The following TASP1 variants were observed in gnomAD, a reference collection of about 807,000 sequenced individuals.
The protein encoded by TASP1 is threonine aspartase 1.
TASP1 carries 16 observed loss-of-function variants against 56.6 expected under a neutral mutation model. That is an observed-to-expected ratio of 0.28 (90% CI 0.19 to 0.43). TASP1 has a LOEUF of 0.43. TASP1 is among the 20% of genes least tolerant of loss of function. The pLI, the probability that TASP1 is intolerant of heterozygous loss-of-function variation, is 1.00. For missense variants in TASP1, 393 were observed against 511.6 expected (o/e 0.77, Z 2.24); for synonymous variants, 179 against 184.2 (o/e 0.97, Z 0.23).
the TASP1 span, among the ~76,000 whole-genome samples, chr20:13,316,775 G>T: frequency 2.6e-5 from 4 of 151,182 alleles, no homozygotes; most frequent in Admixed American, 6.6e-5. Context: ...ACTAGGAATA[G>T]ATGGGAACTT....
chr20:13,516,690 C>T (rs1300504590), intron 10 of TASP1, among the ~76,000 whole-genome samples: 6 of 135,638 alleles, frequency 4.4e-5, no homozygotes, highest in Non-Finnish European at 7.9e-5. Flanking sequence ...AACATTTCTT[C>T]ACCTTGTGTT....
chr20:13,608,345 G>C (rs934319706), intron 4 of TASP1, among the ~76,000 whole-genome samples: 2 of 152,140 alleles, frequency 1.3e-5, no homozygotes, highest in Non-Finnish European at 2.9e-5. Context: ...TCAAGAATTG[G>C]ATGGTTAAAA....
chr20:13,539,477 G>A (rs2045540621), intron 8 of TASP1, among the ~76,000 whole-genome samples: 1 of 152,136 alleles, frequency 6.6e-6, no homozygotes, highest in African/African-American at 2.4e-5. Context: ...CTGTGCCCAG[G>A]AGTGCAAGGC....
the TASP1 span, among the ~76,000 whole-genome samples, chr20:13,127,847 C>T: frequency 2.6e-5 from 4 of 152,112 alleles, no homozygotes; most frequent in African/African-American, 4.8e-5. Context: ...CTTGCCTTTT[C>T]GGTGTTATGA....
the TASP1 span, among the ~76,000 whole-genome samples, chr20:13,115,839 G>A: frequency 6.6e-6 from 1 of 152,136 alleles, no homozygotes; most frequent in South Asian, 2.1e-4. Context: ...CCTGTGAAGA[G>A]GGGCCCATCA....
the TASP1 span, among the ~76,000 whole-genome samples, chr20:13,257,320 G>T: frequency 6.6e-6 from 1 of 152,152 alleles, no homozygotes; most frequent in Admixed American, 6.5e-5. Context: ...TTTGAGACCA[G>T]CCTGGCCAAC....
chr20:13,614,258 T>C (rs1208307695), intron 4 of TASP1, among the ~76,000 whole-genome samples: 6 of 152,186 alleles, frequency 3.9e-5, no homozygotes, highest in Admixed American at 2.0e-4. Flanking sequence ...GTATGTTGAA[T>C]ACCAGGTTTT....
At chr20:13,457,453 A>G (rs1353673488) in intron 11 of TASP1, among the ~76,000 whole-genome samples, 2 of 152,122 alleles carry the variant, frequency 1.3e-5, no homozygotes, top group African/African-American at 4.8e-5. Context: ...GAATTTTTGT[A>G]AGAAAGAAAT....
At chr20:13,591,959 C>A (rs1410532819) in intron 4 of TASP1, among the ~76,000 whole-genome samples, 1 of 151,462 alleles carries the variant, frequency 6.6e-6, no homozygotes, top group Admixed American at 6.6e-5. Flanking sequence ...AGAAGTATAG[C>A]TAATAGGACA....
chr20:13,317,463 T>C, the TASP1 span, among the ~76,000 whole-genome samples: 1 of 151,344 alleles, frequency 6.6e-6, no homozygotes, highest in Non-Finnish European at 1.5e-5. Flanking sequence ...TAGGGAGAGA[T>C]AAAAGACCCA....
the TASP1 span, among the ~76,000 whole-genome samples, chr20:13,159,126 G>C: frequency 5.9e-5 from 9 of 152,198 alleles, no homozygotes; most frequent in Non-Finnish European, 1.2e-4. Context: ...TACAGCCTTT[G>C]AGCTTGATAT....
chr20:13,515,374 C>T (rs2044483044), intron 10 of TASP1, among the ~76,000 whole-genome samples: 1 of 151,826 alleles, frequency 6.6e-6, no homozygotes, highest in South Asian at 2.1e-4. Flanking sequence ...ATGGGTGTTG[C>T]ACAGCACCAC....
At chr20:13,214,647 T>G in the TASP1 span, among the ~76,000 whole-genome samples, 7 of 151,124 alleles carry the variant, frequency 4.6e-5, no homozygotes, top group Non-Finnish European at 1.0e-4. Flanking sequence ...TAAAGCTTAT[T>G]GAAACCTAAC....
At chr20:13,411,191 T>C (rs2042083731) in intron 13 of TASP1, among the ~76,000 whole-genome samples, 1 of 152,156 alleles carries the variant, frequency 6.6e-6, no homozygotes, top group Admixed American at 6.6e-5. Flanking sequence ...TATATGCCTG[T>C]TTTTATCATA....
At chr20:13,246,412 A>G in the TASP1 span, among the ~76,000 whole-genome samples, 2 of 152,058 alleles carry the variant, frequency 1.3e-5, no homozygotes, top group Non-Finnish European at 2.9e-5. Flanking sequence ...AAGCATCCCT[A>G]CTGCCCACTC....
At chr20:13,580,772 G>A (rs2047092058) in intron 6 of TASP1, 125 bp downstream of exon 6, 1 of 877,066 alleles carries the variant, frequency 1.1e-6, no homozygotes, top group Non-Finnish European at 1.8e-6. Flanking sequence ...AATGTTCCAA[G>A]ATCACGGAAC....
the TASP1 span, among the ~76,000 whole-genome samples, chr20:13,348,025 C>T: frequency 6.6e-6 from 1 of 151,922 alleles, no homozygotes; most frequent in Non-Finnish European, 1.5e-5. Flanking sequence ...AGACATTTGG[C>T]AATATCTAGA....
intron 6 of TASP1, among the ~76,000 whole-genome samples, chr20:13,574,678 T>A (rs1410340603): frequency 6.6e-6 from 1 of 152,030 alleles, no homozygotes; most frequent in Non-Finnish European, 1.5e-5. Flanking sequence ...AAAATAACAA[T>A]ACATAAAGAA....
chr20:13,576,297 G>GGAGA (rs766413714), intron 6 of TASP1, among the ~76,000 whole-genome samples: 121 of 141,338 alleles, frequency 8.6e-4, no homozygotes, highest in Non-Finnish European at 1.5e-3. Flanking sequence ...AGGAAGGGAA[G>GGAGA]GAGAGAGAGA....
Sources: allele counts gnomAD v4.1 joint callset (sites outside exome capture counted in the v4.1 genomes callset), GRCh38; gene constraint gnomAD v4.1.1; transcripts MANE v1.5; gene names NCBI Gene and HGNC (gene_info 2026-07-23, HGNC 2026-07-21).